MPDZ: variants seen among roughly 807,000 people sequenced by gnomAD.
The protein encoded by MPDZ is multiple PDZ domain protein.
In MPDZ, 234 loss-of-function variants were observed where a neutral mutation model predicts 239.1. The ratio of observed to expected loss-of-function variants is 0.98; its 90% CI spans 0.88 to 1.09. The LOEUF (loss-of-function observed/expected upper bound fraction) is 1.09. Ranked by LOEUF, MPDZ falls within the 50% of genes least tolerant of loss-of-function variation. MPDZ has a pLI of 0.00. For missense variants in MPDZ, 3,175 were observed against 2,510.0 expected (o/e 1.26, Z -5.66); for synonymous variants, 1,048 against 881.3 (o/e 1.19, Z -3.35).
rs181812805 is a variant in MPDZ, at chr9:13,117,691, G to A, written c.5379+1811C>T. On this transcript the variant is annotated intron_variant, in intron 39 of 46. Coordinates refer to ENST00000319217, the MANE Select transcript of MPDZ (RefSeq NM_001378778.1). ...ACTTCAATGAACTCTATGTGCATGA[G>A]GAACTTTACGTGCATGAAGTTGTGT... Among the ~76,000 whole-genome samples the A allele has an allele frequency of 2.3e-3, 354 of 152,192 alleles. 4 individuals are homozygous for A. Among genetic ancestry groups the A allele is most frequent in the Middle Eastern group, 6.8e-3 (2 of 294 alleles).
chr9:13,225,220 AG>A (rs1186374214), intron 3 of MPDZ, among the ~76,000 whole-genome samples: 4 of 152,104 alleles, frequency 2.6e-5, no homozygotes, highest in Non-Finnish European at 5.9e-5. Flanking sequence ...GACTTTATAA[AG>A]GAAAAAAAAG....
At chr9:13,191,125 A>G (rs1954858357) in intron 15 of MPDZ, among the ~76,000 whole-genome samples, 1 of 152,138 alleles carries the variant, frequency 6.6e-6, no homozygotes, top group Middle Eastern at 3.4e-3. Context: ...AATGACACCC[A>G]TTTGCTTTAT....
At chr9:13,192,763 G>A (rs1474901995) in intron 14 of MPDZ, among the ~76,000 whole-genome samples, 1 of 152,092 alleles carries the variant, frequency 6.6e-6, no homozygotes, top group East Asian at 1.9e-4. Flanking sequence ...TTACAAAGAA[G>A]CAAATATATT....
intron 32 of MPDZ, among the ~76,000 whole-genome samples, chr9:13,127,805 C>T (rs1407476085): frequency 6.6e-6 from 1 of 152,176 alleles, no homozygotes; most frequent in Non-Finnish European, 1.5e-5. Flanking sequence ...GAGTAAGCTG[C>T]ACCTTTAGAG....
intron 3 of MPDZ, among the ~76,000 whole-genome samples, chr9:13,230,487 G>A (rs1420339182): frequency 2.0e-5 from 3 of 151,848 alleles, no homozygotes; most frequent in Non-Finnish European, 4.4e-5. Flanking sequence ...AGATATCAAG[G>A]GCATTATGCT....
intron 12 of MPDZ, 63 bp from the exon 13 acceptor site, chr9:13,196,293 T>C (rs1955637561): frequency 1.7e-6 from 2 of 1,160,682 alleles, no homozygotes; most frequent in African/African-American, 1.5e-5. Context: ...CTTAACATCC[T>C]GTACCAAGGA....
chr9:13,221,710 T>C (rs1482747808), intron 6 of MPDZ, among the ~76,000 whole-genome samples: 3 of 151,974 alleles, frequency 2.0e-5, no homozygotes, highest in Non-Finnish European at 2.9e-5. Context: ...AAATTATCAA[T>C]ATATCATCAT....
intron 27 of MPDZ, among the ~76,000 whole-genome samples, chr9:13,140,516 T>C (rs781446677): frequency 9.3e-5 from 14 of 149,922 alleles, no homozygotes; most frequent in South Asian, 8.4e-4. Flanking sequence ...TATAGATAGA[T>C]AGATAGATAT....
chr9:13,176,295 C>T lies in MPDZ; in HGVS notation c.2772G>A (p.Gly924=), dbSNP rs1952478019. 2.5e-6 allele frequency: 4 copies of T among 1,610,336 alleles called. No homozygotes were observed. The highest frequency in any genetic ancestry group is 4.5e-5 in the East Asian group (2 of 44,636). ...ENTPSVDISM[G]PASGFTINDY... The stretch of plus-strand genomic sequence containing the variant: ...CATTTATAGTAAAGCCAGAAGCAGG[C>T]CCCATACTTATGTCCACCGAAGGTG... Residue 924 remains glycine, a synonymous_variant, in exon 20 of 47, where the codon GGG becomes GGA. Coordinates refer to ENST00000319217, the MANE Select transcript of MPDZ (RefSeq NM_001378778.1).
intron 26 of MPDZ, among the ~76,000 whole-genome samples, chr9:13,145,450 G>A (rs1021993338): frequency 1.4e-4 from 21 of 151,856 alleles, no homozygotes; most frequent in African/African-American, 5.1e-4. Flanking sequence ...CAACTCACTG[G>A]TTTTTCAGCT....
At chr9:13,235,396 G>A (rs1200814028) in intron 3 of MPDZ, among the ~76,000 whole-genome samples, 1 of 152,014 alleles carries the variant, frequency 6.6e-6, no homozygotes. Flanking sequence ...TATTTATTGA[G>A]CATCTAAAAT....
At chr9:13,217,559 A>G (rs1448669067) in intron 8 of MPDZ, among the ~76,000 whole-genome samples, 2 of 151,882 alleles carry the variant, frequency 1.3e-5, no homozygotes, top group African/African-American at 4.8e-5. Context: ...GCGTACAATA[A>G]ATTTTAAATC....
At chr9:13,180,571 G>A (rs1027651748) in intron 19 of MPDZ, among the ~76,000 whole-genome samples, 4 of 152,096 alleles carry the variant, frequency 2.6e-5, no homozygotes, top group Non-Finnish European at 4.4e-5. Context: ...TAAAAACCAT[G>A]TTAAAATTTT....
chr9:13,134,175 T>G (rs924005245), intron 31 of MPDZ: 1 of 168,656 alleles, frequency 5.9e-6, no homozygotes, highest in East Asian at 1.5e-4. Flanking sequence ...AGAGCACAGA[T>G]AGACCAAGTG....
chr9:13,190,190 A>G lies in MPDZ; in HGVS notation c.2078T>C (p.Met693Thr), dbSNP rs1563992785. 3.1e-6 allele frequency: 5 copies of G among 1,613,126 alleles called. No individual in the cohort carries two copies. The highest frequency in any genetic ancestry group is 4.2e-6 in the Non-Finnish European group (5 of 1,179,550). ...TATGTGCTGAATGCCAGCCTCCCAC[A>G]TGGCCAAAGGTGCTTGAACCTCTTC... ...STEEVQAPLA[M>T]WEAGIQHIEL... The change falls in exon 16 of 47, where the codon ATG (methionine) becomes ACG (threonine). Residue 693 changes from methionine (M) to threonine (T), a missense_variant. By Grantham distance (81) the Met-to-Thr change is moderately conservative. Transcript: ENST00000319217.
At chr9:13,257,627 C>G (rs1005358088) in intron 1 of MPDZ, among the ~76,000 whole-genome samples, 1 of 152,174 alleles carries the variant, frequency 6.6e-6, no homozygotes, top group African/African-American at 2.4e-5. Flanking sequence ...ATAGACTATT[C>G]TGCAACTTTT....
rs142550834 is a variant in MPDZ at position 13,141,805 on chromosome 9, T to C, written c.3841-1656A>G. Among the ~76,000 whole-genome samples, 529 of 152,254 alleles carry C rather than the reference T, an allele frequency of 3.5e-3. 5 individuals are homozygous for C. Among genetic ancestry groups the C allele is most frequent in the Non-Finnish European group, 6.1e-3 (417 of 68,012 alleles). ...AAGCAAATCGCTGACTGATAGAGATTTAAGGGCGTAAGTGTCAGATTACAG... is the reference window on the plus strand; with the variant it reads ...AAGCAAATCGCTGACTGATAGAGATCTAAGGGCGTAAGTGTCAGATTACAG... On this transcript the variant is annotated intron_variant, in intron 27 of 46. Transcript: ENST00000319217.
intron 19 of MPDZ, among the ~76,000 whole-genome samples, chr9:13,180,555 AT>A (rs1425051496): frequency 2.6e-5 from 4 of 152,304 alleles, no homozygotes; most frequent in East Asian, 1.9e-4. Context: ...GGAAAAAAAA[AT>A]GTTCTAAAAA....
At chr9:13,264,228 G>T (rs767583956) in intron 1 of MPDZ, among the ~76,000 whole-genome samples, 1 of 151,992 alleles carries the variant, frequency 6.6e-6, no homozygotes, top group East Asian at 1.9e-4. Flanking sequence ...AAGATGGTTG[G>T]TCTGAGGCAA....
Sources: gnomAD v4.1 joint callset for allele counts (sites outside exome capture counted in the v4.1 genomes callset) on GRCh38, gnomAD v4.1.1 for gene constraint, MANE v1.5 for transcripts, NCBI Gene and HGNC (gene_info 2026-07-23, HGNC 2026-07-21) for gene names.